PLCB1: variants seen among roughly 807,000 people sequenced by gnomAD.
The protein encoded by PLCB1 is phospholipase C beta 1.
In PLCB1, 46 loss-of-function variants were observed where a neutral mutation model predicts 161.8. The observed-to-expected ratio is 0.28, with a 90% confidence interval of 0.22 to 0.36. The LOEUF (loss-of-function observed/expected upper bound fraction) is 0.36, where lower values mean the gene tolerates loss of function less well. PLCB1 is among the 10% of genes least tolerant of loss of function. The probability of loss-of-function intolerance (pLI) is 1.00; values close to 1 mark genes in which losing one functional copy is unlikely to be tolerated. For synonymous variants in PLCB1, 517 were observed against 503.7 expected, an observed-to-expected ratio of 1.03 and a Z score of -0.35; for missense variants, 1,016 against 1,472.5, an observed-to-expected ratio of 0.69 and a Z score of 5.07.
intron 31 of PLCB1, among the ~76,000 whole-genome samples, chr20:8,878,648 A>G (rs991910781): frequency 3.3e-5 from 5 of 152,224 alleles, no homozygotes; most frequent in Admixed American, 1.3e-4. Context: ...TTTTATATGT[A>G]GGGAGAATAG....
intron 9 of PLCB1, among the ~76,000 whole-genome samples, chr20:8,679,401 T>G (rs951839981): frequency 2.6e-5 from 4 of 152,142 alleles, no homozygotes; most frequent in Non-Finnish European, 5.9e-5. Context: ...CATTCTTAAT[T>G]GTTGCAAGGC....
intron 3 of PLCB1, among the ~76,000 whole-genome samples, chr20:8,486,433 TATTAAATGC>T (rs1042352620): frequency 6.6e-5 from 10 of 152,112 alleles, no homozygotes; most frequent in African/African-American, 1.9e-4. Context: ...ATCAGCCATG[TATTAAATGC>T]ATTAAATGTT....
chr20:8,410,972 G>A (rs566267885), intron 3 of PLCB1, among the ~76,000 whole-genome samples: 5 of 152,330 alleles, frequency 3.3e-5, no homozygotes, highest in South Asian at 2.1e-4. Context: ...TGAATCTCCC[G>A]TAGCAGCGTG....
At chr20:8,260,209 C>T (rs1162795088) in intron 2 of PLCB1, among the ~76,000 whole-genome samples, 2 of 151,074 alleles carry the variant, frequency 1.3e-5, no homozygotes, top group East Asian at 1.9e-4. Flanking sequence ...GCCTCCTTAT[C>T]AGCTGGGACT....
intron 3 of PLCB1, among the ~76,000 whole-genome samples, chr20:8,433,924 T>C (rs1038225696): frequency 6.6e-6 from 1 of 151,868 alleles, no homozygotes; most frequent in Non-Finnish European, 1.5e-5. Context: ...ATAGTACATT[T>C]CTTTCTATTA....
intron 10 of PLCB1, among the ~76,000 whole-genome samples, chr20:8,686,529 C>A (rs942786778): frequency 1.3e-5 from 2 of 152,102 alleles, no homozygotes; most frequent in Non-Finnish European, 2.9e-5. Context: ...ATAAATGAGT[C>A]AGTAATACCA....
At chr20:8,494,538 G>C (rs1474557968) in intron 3 of PLCB1, among the ~76,000 whole-genome samples, 1 of 152,158 alleles carries the variant, frequency 6.6e-6, no homozygotes, top group African/African-American at 2.4e-5. Flanking sequence ...GAAAACAAAA[G>C]CTAACTGCCA....
At chr20:8,871,252 A>G (rs547962544) in intron 31 of PLCB1, among the ~76,000 whole-genome samples, 1 of 152,334 alleles carries the variant, frequency 6.6e-6, no homozygotes, top group African/African-American at 2.4e-5. Flanking sequence ...TTTCTATCAC[A>G]TCTACATACT....
intron 2 of PLCB1, among the ~76,000 whole-genome samples, chr20:8,314,418 A>G (rs1196796556): frequency 2.0e-5 from 3 of 152,246 alleles, no homozygotes; most frequent in Non-Finnish European, 2.9e-5. Flanking sequence ...AAGAAGCCAT[A>G]TATTCAGGAA....
At chr20:8,257,129 C>A (rs945671426) in intron 2 of PLCB1, among the ~76,000 whole-genome samples, 3 of 152,052 alleles carry the variant, frequency 2.0e-5, no homozygotes, top group Non-Finnish European at 4.4e-5. Flanking sequence ...TGAACGATTC[C>A]CCAAAGCAAC....
At chr20:8,166,635 T>G (rs1297346876) in intron 2 of PLCB1, among the ~76,000 whole-genome samples, 1 of 152,122 alleles carries the variant, frequency 6.6e-6, no homozygotes, top group Non-Finnish European at 1.5e-5. Flanking sequence ...CTTCCTCCCT[T>G]AAATCCTGAC....
intron 2 of PLCB1, among the ~76,000 whole-genome samples, chr20:8,159,988 C>CAAA (rs375028388): frequency 3.0e-4 from 24 of 79,268 alleles, no homozygotes; most frequent in South Asian, 5.4e-4. Flanking sequence ...AACTCCATCT[C>CAAA]AAAAAAAAAA....
intron 1 of PLCB1, among the ~76,000 whole-genome samples, chr20:8,136,481 C>T (rs1205939294): frequency 6.6e-6 from 1 of 152,020 alleles, no homozygotes; most frequent in Admixed American, 6.6e-5. Context: ...AAAAAATTAG[C>T]CGGGCGTGGT....
intron 27 of PLCB1, among the ~76,000 whole-genome samples, chr20:8,778,821 G>A (rs995574005): frequency 3.9e-5 from 6 of 152,288 alleles, no homozygotes; most frequent in African/African-American, 1.4e-4. Flanking sequence ...TTATTTTATG[G>A]CCATTTGGGA....
At chr20:8,317,166 A>C (rs1984696920) in intron 2 of PLCB1, among the ~76,000 whole-genome samples, 2 of 152,134 alleles carry the variant, frequency 1.3e-5, no homozygotes, top group Non-Finnish European at 2.9e-5. Context: ...GACATCAAAG[A>C]ATGGGGATGA....
At chr20:8,133,626 A>C (rs2051315218) in intron 1 of PLCB1, among the ~76,000 whole-genome samples, 1 of 152,184 alleles carries the variant, frequency 6.6e-6, no homozygotes, top group African/African-American at 2.4e-5. Context: ...TCTTCAAAAC[A>C]CGTAAATTAG....
intron 3 of PLCB1, among the ~76,000 whole-genome samples, chr20:8,450,932 A>G (rs1981047954): frequency 1.3e-5 from 2 of 152,218 alleles, no homozygotes; most frequent in African/African-American, 2.4e-5. Context: ...TGTAAAAAGT[A>G]GGCTTGTACC....
chr20:8,820,241 A>G (rs891109139), intron 31 of PLCB1, among the ~76,000 whole-genome samples: 1 of 148,630 alleles, frequency 6.7e-6, no homozygotes, highest in Non-Finnish European at 1.5e-5. Context: ...TATTATAGTA[A>G]TATATTATAA....
intron 2 of PLCB1, among the ~76,000 whole-genome samples, chr20:8,256,025 G>A (rs968143010): frequency 6.6e-5 from 10 of 152,108 alleles, no homozygotes; most frequent in African/African-American, 2.4e-4. Flanking sequence ...GGAGCAATGG[G>A]CTATACCATA....
Sources: allele counts gnomAD v4.1 joint callset (sites outside exome capture counted in the v4.1 genomes callset), GRCh38; gene constraint gnomAD v4.1.1; transcripts MANE v1.5; gene names NCBI Gene and HGNC (gene_info 2026-07-23, HGNC 2026-07-21).